IPO5: variants seen among roughly 807,000 people sequenced by gnomAD.
IPO5 encodes the protein importin-5.
IPO5 carries 18 observed loss-of-function variants against 143.3 expected under a neutral mutation model. The observed-to-expected ratio is 0.13, with a 90% CI of 0.09 to 0.19. The LOEUF (loss-of-function observed/expected upper bound fraction) is 0.19, where lower values mean the gene tolerates loss of function less well. Among genes scored for constraint, IPO5 ranks in the 10% least tolerant of loss-of-function variants. The probability of loss-of-function intolerance (pLI) is 1.00; values close to 1 mark genes in which losing one functional copy is unlikely to be tolerated. For synonymous variants in IPO5, 477 were observed against 465.7 expected (o/e 1.02, Z -0.31); for missense variants, 1,013 against 1,336.9 (o/e 0.76, Z 3.78).
intron 25 of IPO5, among the ~76,000 whole-genome samples, chr13:98,017,582 G>T (rs947955384): frequency 6.6e-6 from 1 of 152,102 alleles, no homozygotes; most frequent in African/African-American, 2.4e-5. Context: ...ACAGGCATGA[G>T]CCACTGCGCC....
chr13:97,979,356 A>AATTT (rs1223922838), intron 4 of IPO5, among the ~76,000 whole-genome samples: 1 of 152,168 alleles, frequency 6.6e-6, no homozygotes, highest in African/African-American at 2.4e-5. Flanking sequence ...CAAAACTCTA[A>AATTT]AAAGTTAAAA....
intron 11 of IPO5, among the ~76,000 whole-genome samples, chr13:97,995,698 T>G (rs899832491): frequency 1.1e-4 from 16 of 151,902 alleles, no homozygotes; most frequent in African/African-American, 3.9e-4. Flanking sequence ...GAGCTTGCAG[T>G]GAGCCGAGAT....
chr13:97,989,040 G>T (rs375863277), intron 6 of IPO5, 22 bp from the exon 7 acceptor site: 6 of 1,426,830 alleles, frequency 4.2e-6, no homozygotes, highest in Non-Finnish European at 5.9e-6. Context: ...ACAACTTTAT[G>T]TCTGGATTTC....
intron 9 of IPO5, among the ~76,000 whole-genome samples, chr13:97,991,575 T>TA (rs1887808664): frequency 6.6e-6 from 1 of 152,222 alleles, no homozygotes; most frequent in African/African-American, 2.4e-5. Context: ...GTGTTATACT[T>TA]ACCAGTTGAG....
intron 24 of IPO5, 117 bp downstream of exon 24, chr13:98,015,898 A>G: frequency 1.5e-6 from 1 of 645,584 alleles, no homozygotes; most frequent in Admixed American, 2.9e-5. Context: ...AGTCTTTAGC[A>G]GAGGAGTCAG....
intron 5 of IPO5, among the ~76,000 whole-genome samples, chr13:97,983,089 T>C (rs1886991490): frequency 6.6e-6 from 1 of 152,220 alleles, no homozygotes; most frequent in Admixed American, 6.5e-5. Context: ...CAGGCTGGTC[T>C]CGAACTCCTG....
At chr13:98,006,807 C>T (rs548098917) in intron 17 of IPO5, among the ~76,000 whole-genome samples, 12 of 151,300 alleles carry the variant, frequency 7.9e-5, no homozygotes, top group African/African-American at 2.4e-4. Context: ...TCACATTGCT[C>T]CTGTTTTATA....
At chr13:97,959,362 G>C (rs910535359) in intron 2 of IPO5, among the ~76,000 whole-genome samples, 1 of 151,726 alleles carries the variant, frequency 6.6e-6, no homozygotes, top group Non-Finnish European at 1.5e-5. Context: ...TCTGTCCTTC[G>C]TATTGTCACC....
intron 16 of IPO5, among the ~76,000 whole-genome samples, chr13:98,004,791 A>G (rs765700605): frequency 7.9e-5 from 12 of 151,982 alleles, no homozygotes; most frequent in Non-Finnish European, 1.5e-4. Flanking sequence ...AAGTTAAAGA[A>G]CTCTGCTGAG....
At position 97,989,139 on chromosome 13, in the gene IPO5, C is replaced by T. The variant is rs1252386767; in HGVS notation, c.442C>T (p.Arg148Trp). 6.2e-7 allele frequency: 1 copy of T among 1,610,186 alleles called. No homozygotes were observed. Among genetic ancestry groups the T allele is most frequent in the East Asian group, 2.2e-5 (1 of 44,840 alleles). ...DSVSSQNVGL[R>W]EAALHIFWNF... ...AGTCAGCTCTCAAAATGTGGGACTG[C>T]GGGAAGCTGCCCTTCACATTTTCTG... is the stretch of plus-strand genomic sequence containing the variant. The change falls in exon 7 of 29, where the codon CGG becomes TGG. Residue 148 changes from arginine (R) to tryptophan (W), a missense_variant. Around this residue, in one of 2 missense-constraint regions of IPO5, gnomAD observed 328 missense variants for 342.0 expected, o/e 0.96. Coordinates refer to ENST00000651721, the MANE Select transcript of IPO5 (RefSeq NM_002271.6).
intron 18 of IPO5, among the ~76,000 whole-genome samples, chr13:98,008,470 A>G (rs1385873832): frequency 2.0e-5 from 3 of 152,174 alleles, no homozygotes; most frequent in Admixed American, 6.5e-5. Context: ...GATCTTCAGA[A>G]TTGAAGATTC....
chr13:97,975,098 C>T (rs1886156863), intron 3 of IPO5, among the ~76,000 whole-genome samples: 1 of 152,154 alleles, frequency 6.6e-6, no homozygotes, highest in Non-Finnish European at 1.5e-5. Context: ...GTACTGCCAG[C>T]GGTGTAGAAC....
intron 11 of IPO5, among the ~76,000 whole-genome samples, chr13:97,994,884 G>A (rs1187623431): frequency 6.6e-6 from 1 of 152,150 alleles, no homozygotes; most frequent in Admixed American, 6.5e-5. Context: ...CCAGCAATTT[G>A]GAAAGCCAAG....
intron 6 of IPO5, 22 bp downstream of exon 6, chr13:97,985,635 T>C: frequency 2.5e-6 from 4 of 1,569,348 alleles, no homozygotes; most frequent in Non-Finnish European, 3.5e-6. Context: ...GGTGCACTCA[T>C]GTTACCAAGA....
intron 2 of IPO5, among the ~76,000 whole-genome samples, chr13:97,967,041 A>G (rs1381182481): frequency 6.6e-6 from 1 of 152,164 alleles, no homozygotes; most frequent in East Asian, 1.9e-4. Flanking sequence ...GTCTCAAAAA[A>G]TAATAAAATA....
chr13:98,019,539 ATG>A, intron 26 of IPO5, 40 bp from the exon 27 acceptor site: 1 of 1,314,204 alleles, frequency 7.6e-7, no homozygotes, highest in Non-Finnish European at 1.1e-6. Flanking sequence ...TTGCATGAAA[ATG>A]TGAGGTTTTA....
At chr13:97,981,166 T>G in intron 4 of IPO5, 1 of 431,360 alleles carries the variant, frequency 2.3e-6, no homozygotes, top group Non-Finnish European at 4.6e-6. Flanking sequence ...TCCTATGTGC[T>G]TTTTACTAGA....
At chr13:97,956,594 T>A (rs574704106) in intron 2 of IPO5, among the ~76,000 whole-genome samples, 2 of 152,336 alleles carry the variant, frequency 1.3e-5, no homozygotes, top group East Asian at 3.8e-4. Context: ...CCTATTACCA[T>A]ATGAAACTAA....
At chr13:97,985,656 A>G (rs1430194749) in intron 6 of IPO5, 43 bp downstream of exon 6, 5 of 1,289,736 alleles carry the variant, frequency 3.9e-6, no homozygotes, top group Non-Finnish European at 3.3e-6. Context: ...ACATGGGTAT[A>G]TCCTTCCTTT....
Sources: allele counts gnomAD v4.1 joint callset (sites outside exome capture counted in the v4.1 genomes callset), GRCh38; gene constraint gnomAD v4.1.1; regional missense constraint gnomAD v4.1.1; transcripts MANE v1.5; gene names NCBI Gene and HGNC (gene_info 2026-07-23, HGNC 2026-07-21).